Variants in C3orf20 observed in about 807,000 individuals in gnomAD.
The protein encoded by C3orf20 is uncharacterized protein C3orf20.
Under a neutral mutation model 88.3 loss-of-function variants are expected in C3orf20, and 76 were observed. The observed-to-expected ratio is 0.86, with a 90% CI of 0.72 to 1.04. The LOEUF (loss-of-function observed/expected upper bound fraction) is 1.04. Ranked by LOEUF, C3orf20 falls within the 50% of genes least tolerant of loss-of-function variation. The pLI is 0.00. For synonymous variants in C3orf20, 436 were observed against 437.4 expected (o/e 1.00, Z 0.04); for missense variants, 1,056 against 1,123.3 (o/e 0.94, Z 0.86).
At chr3:14,730,403 C>T (rs984730716) in intron 12 of C3orf20, among the ~76,000 whole-genome samples, 6 of 151,896 alleles carry the variant, frequency 4.0e-5, no homozygotes, top group African/African-American at 1.2e-4. Flanking sequence ...AAAAATTAGC[C>T]GGGTGTGGTG....
At chr3:14,696,143 A>G (rs1233803001) in intron 5 of C3orf20, among the ~76,000 whole-genome samples, 3 of 140,090 alleles carry the variant, frequency 2.1e-5, no homozygotes, top group Non-Finnish European at 4.6e-5. Flanking sequence ...TTTTTTGTGT[A>G]CCCATTGTGT....
intron 12 of C3orf20, among the ~76,000 whole-genome samples, chr3:14,744,690 G>C (rs2035011441): frequency 6.6e-6 from 1 of 151,960 alleles, no homozygotes; most frequent in Admixed American, 6.6e-5. Flanking sequence ...GGAGGTGAAA[G>C]ACTCTTCTTA....
rs776445333 is a variant in C3orf20, at chr3:14,757,454, T to C, written c.2024T>C (p.Leu675Pro). The C allele has an allele frequency of 3.1e-6, 5 of 1,612,756 alleles. No homozygotes were observed. The Admixed American group carries it at 8.3e-5, about 27-fold the overall frequency. ...CCGCTGGTGCTGCGGAAGCTCATGC[T>C]CAAGGAAGACACCCGTGCTGGCTGC... Reference protein sequence around the residue: ...DCPLVLRKLMLKEDTRAGCKC... With the variant: ...DCPLVLRKLMPKEDTRAGCKC... Residue 675 changes from leucine to proline, a missense_variant, in exon 13 of 17, where the codon CTC (leucine) becomes CCC (proline). Leu to Pro is a moderately conservative substitution (Grantham distance 98). Transcript: ENST00000253697.
intron 14 of C3orf20, 135 bp from the exon 15 acceptor site, chr3:14,761,338 A>G: frequency 9.6e-7 from 1 of 1,040,578 alleles, no homozygotes; most frequent in Non-Finnish European, 1.4e-6. Flanking sequence ...CAGCCACCCC[A>G]GGCCTGCCTC....
At chr3:14,675,671 C>G (rs1388778637) in intron 1 of C3orf20, among the ~76,000 whole-genome samples, 1 of 144,070 alleles carries the variant, frequency 6.9e-6, no homozygotes, top group Non-Finnish European at 1.5e-5. Context: ...TCTTTCTCCA[C>G]TGTATTTCTT....
chr3:14,748,592 A>G (rs2035127839), intron 12 of C3orf20, among the ~76,000 whole-genome samples: 2 of 152,196 alleles, frequency 1.3e-5, no homozygotes, highest in Admixed American at 6.5e-5. Flanking sequence ...ATTTACAGCT[A>G]TAAATATTCC....
At chr3:14,715,148 G>T in intron 8 of C3orf20, 141 bp from the exon 9 acceptor site, 1 of 1,035,744 alleles carries the variant, frequency 9.7e-7, no homozygotes, top group East Asian at 2.6e-5. Context: ...TAGCAAGTGG[G>T]GAAAGTAAGG....
chr3:14,721,930 T>C, intron 10 of C3orf20, 146 bp downstream of exon 10: 1 of 919,920 alleles, frequency 1.1e-6, no homozygotes, highest in Non-Finnish European at 1.6e-6. Flanking sequence ...ATTCACCACC[T>C]ACTCTTAGTA....
At chr3:14,756,040 AAAAAAAAGAAAAAG>A (rs1181423882) in intron 12 of C3orf20, among the ~76,000 whole-genome samples, 4 of 150,066 alleles carry the variant, frequency 2.7e-5, no homozygotes, top group Non-Finnish European at 4.5e-5. Context: ...AAAAAAAAAA[AAAAAAAAGAAAAAG>A]AAAAAAGAAA....
chr3:14,750,682 T>A (rs971381918), intron 12 of C3orf20, among the ~76,000 whole-genome samples: 1 of 152,192 alleles, frequency 6.6e-6, no homozygotes. Context: ...GCTATTAATC[T>A]TATTGAGGAT....
At chr3:14,754,038 T>C (rs2125026043) in intron 12 of C3orf20, among the ~76,000 whole-genome samples, 1 of 152,260 alleles carries the variant, frequency 6.6e-6, no homozygotes, top group South Asian at 2.1e-4. Flanking sequence ...AAGCTTAGAG[T>C]GTTCTCAGGC....
chr3:14,719,142 T>TA (rs59470463), intron 9 of C3orf20, among the ~76,000 whole-genome samples: 4 of 145,688 alleles, frequency 2.7e-5, no homozygotes, highest in African/African-American at 5.0e-5. Context: ...TTTTTTTTTT[T>TA]AATTTTTTCA....
At position 14,703,128 on chromosome 3, in the gene C3orf20, A is replaced by G. The variant is rs1339284712; in HGVS notation, c.746-2A>G. ...CTCTAACTTCTTGCCCTCCAACTAC[A>G]GGCAAATCTAGAACTACAGAAGATG... is the stretch of plus-strand genomic sequence containing the variant. On this transcript the variant is annotated splice_acceptor_variant, in intron 5 of 16. Transcript: ENST00000253697. LOFTEE classifies it high-confidence loss of function. 1 of 1,614,126 alleles carries G rather than the reference A, an allele frequency of 6.2e-7. No individual in the cohort carries two copies. Among genetic ancestry groups the G allele is most frequent in the East Asian group, 2.2e-5 (1 of 44,878 alleles).
chr3:14,772,552 A>G lies in C3orf20; in HGVS notation c.2631-239A>G, dbSNP rs2035889954. 6.6e-6 allele frequency among the ~76,000 whole-genome samples: 1 copy of G among 152,242 alleles called. No individual in the cohort carries two copies. The highest frequency in any genetic ancestry group is 1.5e-5 in the Non-Finnish European group (1 of 68,042). ...ACTTGCTGGTGCTGGTAACCATGAA[A>G]TGAATCACACATTCGGCATGGCGTG... On this transcript the variant is annotated intron_variant, in intron 16 of 16. Transcript: ENST00000253697. This position sits in a 1 kb window ranked among gnomAD's most constrained non-coding sequence, Gnocchi z 4.2.
chr3:14,684,485 G>T, intron 4 of C3orf20, 103 bp downstream of exon 4: 8 of 1,425,554 alleles, frequency 5.6e-6, no homozygotes, highest in South Asian at 1.4e-5. Context: ...ACATTTCCAA[G>T]AATTGAGGTG....
At chr3:14,734,938 CTCTT>C (rs1309126465) in intron 12 of C3orf20, among the ~76,000 whole-genome samples, 1 of 151,904 alleles carries the variant, frequency 6.6e-6, no homozygotes, top group African/African-American at 2.4e-5. Flanking sequence ...ATTAAGAACT[CTCTT>C]TATCTCTAGA....
intron 5 of C3orf20, among the ~76,000 whole-genome samples, chr3:14,694,687 A>G (rs2032888362): frequency 6.6e-6 from 1 of 151,196 alleles, no homozygotes; most frequent in South Asian, 2.1e-4. Context: ...CAGTTTATTT[A>G]TTTCTGCTCT....
intron 1 of C3orf20, among the ~76,000 whole-genome samples, chr3:14,678,931 A>C (rs2031937180): frequency 1.3e-5 from 2 of 152,210 alleles, no homozygotes; most frequent in Non-Finnish European, 2.9e-5. Context: ...AAGGCCCTGC[A>C]AGATCTGATT....
At chr3:14,744,145 G>A (rs1049723785) in intron 12 of C3orf20, among the ~76,000 whole-genome samples, 2 of 151,890 alleles carry the variant, frequency 1.3e-5, no homozygotes, top group African/African-American at 4.9e-5. Flanking sequence ...TTATAAAACT[G>A]AATGCCTTTA....
Sources: gnomAD v4.1 joint callset for allele counts (sites outside exome capture counted in the v4.1 genomes callset) on GRCh38, gnomAD v4.1.1 for gene constraint, Gnocchi (gnomAD v3.1) non-coding constraint, MANE v1.5 for transcripts, NCBI Gene and HGNC (gene_info 2026-07-23, HGNC 2026-07-21) for gene names.